The following KCNIP4 variants were observed in gnomAD, a reference collection of about 807,000 sequenced individuals.
KCNIP4 encodes Kv channel-interacting protein 4.
KCNIP4 carries 12 observed loss-of-function variants against 34.0 expected under a neutral mutation model. The observed-to-expected ratio is 0.35, with a 90% CI of 0.23 to 0.57. The LOEUF (loss-of-function observed/expected upper bound fraction) is 0.57, where lower values mean the gene tolerates loss of function less well. Ranked by LOEUF, KCNIP4 falls within the 20% of genes least tolerant of loss-of-function variation. The probability of loss-of-function intolerance (pLI) is 0.83; values close to 1 mark genes in which losing one functional copy is unlikely to be tolerated. For synonymous variants in KCNIP4, 124 were observed against 102.2 expected, an observed-to-expected ratio of 1.21 and a Z score of -1.29; for missense variants, 238 against 311.7, an observed-to-expected ratio of 0.76 and a Z score of 1.78.
intron 1 of KCNIP4, among the ~76,000 whole-genome samples, chr4:21,548,327 C>T (rs1474202652): frequency 1.3e-5 from 2 of 151,994 alleles, no homozygotes; most frequent in African/African-American, 4.8e-5. Context: ...AAAATCCTTG[C>T]AGATTATATG....
chr4:21,550,297 T>G (rs766042344), intron 1 of KCNIP4, among the ~76,000 whole-genome samples: 2 of 152,050 alleles, frequency 1.3e-5, no homozygotes, highest in African/African-American at 4.8e-5. Context: ...CTGTGACTAT[T>G]AACATTGGAA....
chr4:21,012,578 A>G (rs1052491965), intron 1 of KCNIP4, among the ~76,000 whole-genome samples: 1 of 152,138 alleles, frequency 6.6e-6, no homozygotes, highest in Non-Finnish European at 1.5e-5. Flanking sequence ...AATCAAAGCA[A>G]AACAAAACAA....
rs767438493 is a variant in KCNIP4 at position 21,118,110 on chromosome 4, G to A, written c.62-235401C>T. Among the ~76,000 whole-genome samples, 5 of 152,206 alleles carry A rather than the reference G, an allele frequency of 3.3e-5. No homozygotes were observed. The East Asian group carries it at 7.7e-4, about 24-fold the overall frequency. ...TGTGTGTGTGTTTGTGTGTCTATGC[G>A]TGATTCAGTCTGATCATGCTGAGGT... is the stretch of plus-strand genomic sequence containing the variant. On this transcript the variant is annotated intron_variant, in intron 1 of 8. Coordinates refer to ENST00000382152, the MANE Select transcript of KCNIP4 (RefSeq NM_025221.6).
At chr4:21,126,022 G>A (rs1480797520) in intron 1 of KCNIP4, among the ~76,000 whole-genome samples, 1 of 152,030 alleles carries the variant, frequency 6.6e-6, no homozygotes, top group African/African-American at 2.4e-5. Context: ...AGTATTAGCA[G>A]TGAACATGGG....
At chr4:21,178,848 C>T (rs1351326517) in intron 1 of KCNIP4, among the ~76,000 whole-genome samples, 1 of 141,956 alleles carries the variant, frequency 7.0e-6, no homozygotes, top group Non-Finnish European at 1.5e-5. Context: ...TTGAGTGTCT[C>T]ATTCATTGCT....
At chr4:21,527,947 C>G (rs1222964516) in intron 1 of KCNIP4, among the ~76,000 whole-genome samples, 2 of 152,112 alleles carry the variant, frequency 1.3e-5, no homozygotes, top group African/African-American at 2.4e-5. Context: ...GTACAAGTCC[C>G]ATTAATAGAA....
At chr4:21,037,589 A>G (rs1422002651) in intron 1 of KCNIP4, among the ~76,000 whole-genome samples, 1 of 152,340 alleles carries the variant, frequency 6.6e-6, no homozygotes, top group South Asian at 2.1e-4. Flanking sequence ...ACAATGACGA[A>G]ATTATGTAAT....
chr4:20,737,462 T>C (rs1356996575), intron 5 of KCNIP4, among the ~76,000 whole-genome samples: 1 of 152,134 alleles, frequency 6.6e-6, no homozygotes, highest in Non-Finnish European at 1.5e-5. Context: ...TGGGCTGTGC[T>C]CTTGAGAAGG....
intron 1 of KCNIP4, among the ~76,000 whole-genome samples, chr4:20,929,616 T>C (rs547215026): frequency 6.9e-6 from 1 of 145,244 alleles, no homozygotes; most frequent in East Asian, 2.5e-4. Flanking sequence ...TTGCAGATGA[T>C]ATAATCCCTT....
At chr4:20,777,225 A>T (rs13134288) in intron 3 of KCNIP4, among the ~76,000 whole-genome samples, 4,955 of 152,288 alleles carry the variant, frequency 0.033, 182 homozygotes, top group East Asian at 0.2. Flanking sequence ...AGAAAGGAGA[A>T]GTGCCAGGTG....
intron 1 of KCNIP4, among the ~76,000 whole-genome samples, chr4:21,123,208 A>AC (rs1171430354): frequency 6.6e-6 from 1 of 151,768 alleles, no homozygotes; most frequent in Non-Finnish European, 1.5e-5. Context: ...AGCAAGTTAA[A>AC]AAAAAAAAAT....
At chr4:20,844,924 A>T (rs1720183250) in intron 3 of KCNIP4, among the ~76,000 whole-genome samples, 1 of 151,858 alleles carries the variant, frequency 6.6e-6, no homozygotes, top group Non-Finnish European at 1.5e-5. Flanking sequence ...TCTGTTCTTC[A>T]TGAAATTGCC....
At chr4:21,237,818 C>A (rs1759482834) in intron 1 of KCNIP4, among the ~76,000 whole-genome samples, 2 of 152,204 alleles carry the variant, frequency 1.3e-5, no homozygotes, top group Non-Finnish European at 2.9e-5. Flanking sequence ...GAGCTGTTAT[C>A]ATTCCTTCTG....
intron 1 of KCNIP4, among the ~76,000 whole-genome samples, chr4:21,403,324 C>A (rs566275392): frequency 3.5e-4 from 54 of 152,292 alleles, no homozygotes; most frequent in African/African-American, 1.3e-3. Context: ...ATATCTAGAA[C>A]CTATAACCAA....
chr4:21,818,161 CCT>C (rs1299509857), intron 1 of KCNIP4, among the ~76,000 whole-genome samples: 4 of 152,126 alleles, frequency 2.6e-5, no homozygotes, highest in Admixed American at 2.6e-4. Context: ...CTGTAAAATT[CCT>C]CTCTTTATAC....
At chr4:21,708,645 GCATTC>G (rs1210209135) in intron 1 of KCNIP4, among the ~76,000 whole-genome samples, 1 of 152,072 alleles carries the variant, frequency 6.6e-6, no homozygotes, top group Non-Finnish European at 1.5e-5. Context: ...TCTTGGTAAT[GCATTC>G]CCAGCCTTCC....
rs150500908 is a variant in KCNIP4 at position 20,742,240 on chromosome 4, T to C, written c.429+7422A>G. Among the ~76,000 whole-genome samples, 354 of 152,298 alleles carry C rather than the reference T, an allele frequency of 2.3e-3. 8 individuals are homozygous for C. The South Asian group carries it at 0.046, about 20-fold the overall frequency. Reference sequence around the variant, plus strand: ...TTTTATGAGGCCAGCATCATCCTGATACCAAAGCCTAGCAGAGATACAACA... The same window carrying C: ...TTTTATGAGGCCAGCATCATCCTGACACCAAAGCCTAGCAGAGATACAACA... On this transcript the variant is annotated intron_variant, in intron 5 of 8. Transcript: ENST00000382152.
At chr4:20,780,149 A>G (rs575346165) in intron 3 of KCNIP4, among the ~76,000 whole-genome samples, 17 of 152,306 alleles carry the variant, frequency 1.1e-4, no homozygotes, top group Non-Finnish European at 1.8e-4. Flanking sequence ...GGTGATCCCA[A>G]AGGTCTTGCT....
rs572744980 is a variant in KCNIP4 at position 21,562,711 on chromosome 4, C to T, written c.61+385860G>A. Among the ~76,000 whole-genome samples, 8 of 152,000 alleles carry T rather than the reference C, an allele frequency of 5.3e-5. No homozygotes were observed. The South Asian group carries it at 1.7e-3, about 32-fold the overall frequency. On this transcript the variant is annotated intron_variant, in intron 1 of 8. Coordinates refer to ENST00000382152, the MANE Select transcript of KCNIP4 (RefSeq NM_025221.6). ...CTAGAAGGCCAACAACAAAAGCAAA[C>T]CTCTCTTTAATAAGTATTTTATGTT...
Sources: allele counts gnomAD v4.1 joint callset (sites outside exome capture counted in the v4.1 genomes callset), GRCh38; gene constraint gnomAD v4.1.1; transcripts MANE v1.5; gene names NCBI Gene and HGNC (gene_info 2026-07-23, HGNC 2026-07-21).